Variants in C9 observed in about 807,000 individuals in gnomAD.
The protein encoded by C9 is complement component C9.
C9 carries 63 observed loss-of-function variants against 65.4 expected under a neutral mutation model. The ratio of observed to expected loss-of-function variants is 0.96; its 90% CI spans 0.79 to 1.19. The LOEUF (loss-of-function observed/expected upper bound fraction) is 1.19, where lower values mean the gene tolerates loss of function less well. Ranked by LOEUF, C9 falls within the 50% of genes most tolerant of loss-of-function variation. The pLI is 0.00. For missense variants in C9, 744 were observed against 670.1 expected, an observed-to-expected ratio of 1.11 and a Z score of -1.22; for synonymous variants, 229 against 227.9, an observed-to-expected ratio of 1.00 and a Z score of -0.04.
At chr5:39,339,905 C>T (rs1261515) in intron 4 of C9, among the ~76,000 whole-genome samples, 42,826 of 151,706 alleles carry the variant, frequency 0.28, 7,224 homozygotes, top group Non-Finnish European at 0.38. Flanking sequence ...GTGATCCGCC[C>T]GCCTCGGCCT....
At chr5:39,293,039 A>G (rs957434806) in intron 9 of C9, among the ~76,000 whole-genome samples, 7 of 151,808 alleles carry the variant, frequency 4.6e-5, no homozygotes, top group Non-Finnish European at 7.4e-5. Context: ...TTCAGGGGGA[A>G]GCAGAAAGGC....
intron 7 of C9, among the ~76,000 whole-genome samples, chr5:39,308,633 C>A (rs182708620): frequency 9.1e-4 from 138 of 152,268 alleles, no homozygotes; most frequent in Admixed American, 2.9e-3. Context: ...ATAGTAAAGT[C>A]TTTTATCTGT....
rs1752948689 is a variant in C9 at position 39,284,278 on chromosome 5, C to T, written c.*921G>A. 6.6e-6 allele frequency: 1 copy of T among 151,474 alleles called. No individual in the cohort carries two copies. Among genetic ancestry groups the T allele is most frequent in the Non-Finnish European group, 1.5e-5 (1 of 67,860 alleles). 9.4% of individuals were successfully genotyped at this position (151,474 alleles called of 1,614,324 possible). A position where few individuals can be genotyped will look rare whatever the true frequency, so the allele number is the denominator to read the frequency against. ...TTTTTCCTCTTTTCTTTCTTTCTTT[C>T]CTTTTTTTAAAGAGTTCTCAGACCT... On this transcript the variant is annotated 3_prime_UTR_variant, in exon 11 of 11. Transcript: ENST00000263408.
At chr5:39,345,422 A>T (rs1754172329) in intron 1 of C9, among the ~76,000 whole-genome samples, 1 of 152,356 alleles carries the variant, frequency 6.6e-6, no homozygotes, top group South Asian at 2.1e-4. Flanking sequence ...AAAAGAGACA[A>T]AGAAGGCCAT....
At chr5:39,289,029 C>T (rs1424232082) in intron 9 of C9, 78 bp from the exon 10 acceptor site, 1 of 796,266 alleles carries the variant, frequency 1.3e-6, no homozygotes, top group Non-Finnish European at 2.2e-6. Context: ...CTTAATTATT[C>T]ATTCACTGAT....
chr5:39,299,348 T>C (rs1048792406), intron 9 of C9, among the ~76,000 whole-genome samples: 1 of 152,092 alleles, frequency 6.6e-6, no homozygotes, highest in Non-Finnish European at 1.5e-5. Flanking sequence ...AATATGTTCA[T>C]GCAAAATTCT....
chr5:39,356,186 C>T (rs1284128183), intron 1 of C9, among the ~76,000 whole-genome samples: 1 of 152,128 alleles, frequency 6.6e-6, no homozygotes, highest in Admixed American at 6.5e-5. Flanking sequence ...GTAAGCATTA[C>T]TAGTTCTTTT....
intron 9 of C9, among the ~76,000 whole-genome samples, chr5:39,303,731 T>C (rs1018802729): frequency 1.3e-5 from 2 of 152,006 alleles, no homozygotes; most frequent in African/African-American, 4.8e-5. Context: ...ACTGTCTGCA[T>C]AGGGATTTTG....
intron 1 of C9, among the ~76,000 whole-genome samples, chr5:39,358,804 T>C (rs1250911673): frequency 1.3e-5 from 2 of 151,070 alleles, no homozygotes; most frequent in African/African-American, 4.9e-5. Flanking sequence ...GCTAAAACGG[T>C]GAAACCCTGT....
At chr5:39,288,121 T>C (rs535321966) in intron 10 of C9, among the ~76,000 whole-genome samples, 95 of 151,932 alleles carry the variant, frequency 6.3e-4, no homozygotes, top group African/African-American at 2.3e-3. Context: ...TTTAAAAACA[T>C]ACAAAACAAT....
At chr5:39,332,579 A>G (rs1454181993) in intron 4 of C9, among the ~76,000 whole-genome samples, 1 of 152,210 alleles carries the variant, frequency 6.6e-6, no homozygotes, top group Non-Finnish European at 1.5e-5. Context: ...ACCTCTGTTC[A>G]TTGGAGGAAC....
At chr5:39,300,227 G>A (rs777916530) in intron 9 of C9, among the ~76,000 whole-genome samples, 8 of 151,894 alleles carry the variant, frequency 5.3e-5, no homozygotes, top group Non-Finnish European at 1.0e-4. Context: ...AGCCTGGCCA[G>A]CATGGTGAAA....
chr5:39,309,241 G>C (rs141265189), intron 7 of C9, among the ~76,000 whole-genome samples: 1 of 151,826 alleles, frequency 6.6e-6, no homozygotes, highest in Non-Finnish European at 1.5e-5. Context: ...AGTTTTTGCC[G>C]TTATTTATCA....
intron 1 of C9, among the ~76,000 whole-genome samples, chr5:39,360,650 C>T (rs576063462): frequency 3.3e-5 from 5 of 151,850 alleles, no homozygotes; most frequent in Admixed American, 6.6e-5. Context: ...ATGAATAGTT[C>T]GCGAAGAAAA....
intron 4 of C9, among the ~76,000 whole-genome samples, chr5:39,337,872 C>T (rs1019065074): frequency 2.6e-5 from 4 of 152,296 alleles, no homozygotes; most frequent in Non-Finnish European, 2.9e-5. Context: ...ACCATGAGTG[C>T]TTGTGACTTT....
intron 5 of C9, among the ~76,000 whole-genome samples, chr5:39,326,140 T>C (rs1753744506): frequency 6.6e-6 from 1 of 152,224 alleles, no homozygotes; most frequent in Non-Finnish European, 1.5e-5. Flanking sequence ...TTAACACATT[T>C]AATCTTTCTG....
Position 39,308,335 on chromosome 5 carries a change from T to C in C9, c.1135A>G (p.Arg379Gly). 1.3e-6 allele frequency: 2 copies of C among 1,597,954 alleles called. No homozygotes were observed. The highest frequency in any genetic ancestry group is 1.7e-6 in the Non-Finnish European group (2 of 1,165,368). ...RKGVELKDIKRCLGYHLDVSL... is the reference protein window; with the variant it reads ...RKGVELKDIKGCLGYHLDVSL... ...ACATCCAGATGATACCCAAGGCATC[T>C]CTTTATGTCTTTTAGTTCAACACCT... The change falls in exon 8 of 11, where the codon AGA (arginine) becomes GGA (glycine). Residue 379 changes from arginine to glycine, a missense_variant. Physicochemically the swap from Arg to Gly is moderately radical, Grantham distance 125. Transcript: ENST00000263408.
intron 5 of C9, among the ~76,000 whole-genome samples, chr5:39,321,748 G>T (rs1432801484): frequency 6.6e-6 from 1 of 151,978 alleles, no homozygotes; most frequent in African/African-American, 2.4e-5. Flanking sequence ...GTTAAAAACT[G>T]CAAGAAGGGA....
chr5:39,345,835 G>T (rs1754182132), intron 1 of C9, among the ~76,000 whole-genome samples: 1 of 152,210 alleles, frequency 6.6e-6, no homozygotes, highest in South Asian at 2.1e-4. Flanking sequence ...AGACCACAGT[G>T]CAATCCAACT....
Sources: allele counts gnomAD v4.1 joint callset (sites outside exome capture counted in the v4.1 genomes callset), GRCh38; gene constraint gnomAD v4.1.1; transcripts MANE v1.5; gene names NCBI Gene and HGNC (gene_info 2026-07-23, HGNC 2026-07-21).